PAN3: variants seen among roughly 807,000 people sequenced by gnomAD.
PAN3 encodes the protein PAN2-PAN3 deadenylation complex subunit PAN3.
In PAN3, 19 loss-of-function variants were observed where a neutral mutation model predicts 96.2. The observed-to-expected ratio is 0.20, with a 90% CI of 0.14 to 0.29. The LOEUF is 0.29. PAN3 is among the 10% of genes least tolerant of loss of function. The pLI, the probability that PAN3 is intolerant of heterozygous loss-of-function variation, is 1.00. For synonymous variants in PAN3, 433 were observed against 406.6 expected (o/e 1.06, Z -0.78); for missense variants, 882 against 1,108.1 (o/e 0.80, Z 2.90).
chr13:28,154,512 G>C (rs758282969), intron 1 of PAN3, among the ~76,000 whole-genome samples: 7 of 151,172 alleles, frequency 4.6e-5, no homozygotes, highest in Non-Finnish European at 8.8e-5. Context: ...TATTTATTTT[G>C]AGACAGAGTT....
intron 4 of PAN3, among the ~76,000 whole-genome samples, chr13:28,179,707 CAAAA>C (rs749443652): frequency 1.2e-5 from 1 of 81,128 alleles, no homozygotes; most frequent in Non-Finnish European, 2.8e-5. Flanking sequence ...CTGTCTCAGA[CAAAA>C]AAAAAAAAAA....
chr13:28,160,699 A>T (rs1241878106), intron 1 of PAN3, among the ~76,000 whole-genome samples: 1 of 152,176 alleles, frequency 6.6e-6, no homozygotes. Context: ...ACTTGGTATT[A>T]TTTTATCTAA....
At chr13:28,215,296 C>CCACAGACAAAAT in intron 5 of PAN3, 1 of 719,914 alleles carries the variant, frequency 1.4e-6, no homozygotes, top group Non-Finnish European at 2.6e-6. Flanking sequence ...GGTATTGGTA[C>CCACAGACAAAAT]TGTGTCTGTG....
intron 1 of PAN3, among the ~76,000 whole-genome samples, chr13:28,152,324 C>G (rs887226704): frequency 1.1e-4 from 16 of 152,150 alleles, no homozygotes; most frequent in African/African-American, 3.9e-4. Context: ...TGGCTCATGC[C>G]TGTAATCCCA....
intron 5 of PAN3, among the ~76,000 whole-genome samples, chr13:28,203,611 G>C (rs551894070): frequency 6.6e-6 from 1 of 151,814 alleles, no homozygotes; most frequent in Non-Finnish European, 1.5e-5. Flanking sequence ...ACTGGGTCTG[G>C]CTTTTCTGTA....
At chr13:28,227,914 A>G (rs542900692) in intron 6 of PAN3, among the ~76,000 whole-genome samples, 1 of 152,304 alleles carries the variant, frequency 6.6e-6, no homozygotes, top group Admixed American at 6.5e-5. Context: ...AGAGTATTGT[A>G]TTTGTTCTGG....
chr13:28,264,027 T>C (rs1213616344), intron 9 of PAN3, among the ~76,000 whole-genome samples: 17 of 152,200 alleles, frequency 1.1e-4, no homozygotes, highest in South Asian at 2.1e-4. Context: ...CTTGATAATA[T>C]AGTTTTTGGC....
chr13:28,231,577 G>A (rs898781855), intron 6 of PAN3, among the ~76,000 whole-genome samples: 1 of 152,116 alleles, frequency 6.6e-6, no homozygotes, highest in Admixed American at 6.5e-5. Context: ...AATGAAGTAG[G>A]ATTATATAAA....
intron 4 of PAN3, among the ~76,000 whole-genome samples, chr13:28,195,302 C>G (rs904388684): frequency 6.6e-6 from 1 of 151,836 alleles, no homozygotes; most frequent in Non-Finnish European, 1.5e-5. Flanking sequence ...ACTTGGGAGG[C>G]TGAGGTGGGA....
chr13:28,167,318 C>T (rs545151352), intron 1 of PAN3, among the ~76,000 whole-genome samples: 4 of 151,642 alleles, frequency 2.6e-5, no homozygotes, highest in East Asian at 1.9e-4. Context: ...TCAGCCTCTG[C>T]CTGGCTGATG....
At chr13:28,277,127 C>T (rs1887128586) in intron 14 of PAN3, 110 bp from the exon 15 acceptor site, 6 of 1,107,066 alleles carry the variant, frequency 5.4e-6, no homozygotes, top group Non-Finnish European at 7.6e-6. Context: ...GAGGACCCTG[C>T]CTGCAGCTTA....
At chr13:28,239,565 G>T in intron 6 of PAN3, 1 of 1,270,494 alleles carries the variant, frequency 7.9e-7, no homozygotes, top group Non-Finnish European at 1.0e-6. Context: ...ATTTTTGTTG[G>T]TTGTTTTCTC....
chr13:28,158,025 G>C (rs1350306035), intron 1 of PAN3, among the ~76,000 whole-genome samples: 1 of 152,144 alleles, frequency 6.6e-6, no homozygotes, highest in Non-Finnish European at 1.5e-5. Context: ...ACAGAATAGA[G>C]AGCCCAGAAA....
intron 4 of PAN3, among the ~76,000 whole-genome samples, chr13:28,181,504 C>CAAAA (rs894039087): frequency 1.2e-4 from 7 of 57,238 alleles, no homozygotes; most frequent in Admixed American, 1.8e-4. Flanking sequence ...AACCCTGTCT[C>CAAAA]AAAAAAAAAA....
At position 28,293,656 on chromosome 13, in the gene PAN3, G is replaced by A. The variant is rs1036433143; in HGVS notation, c.*1134G>A. The A allele has an allele frequency of 1.3e-5, 2 of 152,424 alleles. No individual in the cohort carries two copies. Among genetic ancestry groups the A allele is most frequent in the East Asian group, 1.9e-4 (1 of 5,192 alleles). The allele number at this position is 152,424 out of a possible 1,614,324, so 9.4% of individuals were successfully genotyped here. On this transcript the variant is annotated 3_prime_UTR_variant, in exon 19 of 19. Transcript: ENST00000380958. Reference sequence around the variant, plus strand: ...CTTTTGATAATAACTCACTCTGTGCGATATTCCTGAATAAGTCCATCTCAA... The same window carrying A: ...CTTTTGATAATAACTCACTCTGTGCAATATTCCTGAATAAGTCCATCTCAA...
At chr13:28,177,831 T>C in intron 3 of PAN3, 34 bp from the exon 4 acceptor site, 1 of 1,566,540 alleles carries the variant, frequency 6.4e-7, no homozygotes, top group African/African-American at 1.4e-5. Context: ...TACCCAAGTT[T>C]TATGTGTGGA....
At chr13:28,146,580 A>T (rs1278372465) in intron 1 of PAN3, among the ~76,000 whole-genome samples, 1 of 152,116 alleles carries the variant, frequency 6.6e-6, no homozygotes, top group African/African-American at 2.4e-5. Flanking sequence ...ATGCTAGGTG[A>T]TATGGTCTAT....
At chr13:28,241,632 CTT>C (rs1181310213) in intron 6 of PAN3, among the ~76,000 whole-genome samples, 4 of 149,686 alleles carry the variant, frequency 2.7e-5, no homozygotes, top group Non-Finnish European at 4.5e-5. Context: ...AAAGAAGAGA[CTT>C]TATTAATTCT....
intron 5 of PAN3, among the ~76,000 whole-genome samples, chr13:28,216,744 A>G (rs765243161): frequency 2.6e-5 from 4 of 152,096 alleles, no homozygotes; most frequent in Non-Finnish European, 5.9e-5. Flanking sequence ...TTTTTGGGCC[A>G]TATATGCAAT....
Sources: gnomAD v4.1 joint callset for allele counts (sites outside exome capture counted in the v4.1 genomes callset) on GRCh38, gnomAD v4.1.1 for gene constraint, MANE v1.5 for transcripts, NCBI Gene and HGNC (gene_info 2026-07-23, HGNC 2026-07-21) for gene names.